Variants in H2AZ2 observed in about 807,000 individuals in gnomAD.
The protein encoded by H2AZ2 is histone H2A.V.
In H2AZ2, 5 loss-of-function variants were observed where a neutral mutation model predicts 15.5. That is an observed-to-expected ratio of 0.32 (90% CI 0.17 to 0.68). The LOEUF (loss-of-function observed/expected upper bound fraction) is 0.68. H2AZ2 is among the 30% of genes least tolerant of loss of function. H2AZ2 has a pLI of 0.72. For synonymous variants in H2AZ2, 44 were observed against 57.4 expected, an observed-to-expected ratio of 0.77 and a Z score of 1.05; for missense variants, 42 against 162.5, an observed-to-expected ratio of 0.26 and a Z score of 4.03.
In H2AZ2 at chr7:44,834,789, T is replaced by G. The variant is rs1352238822; in HGVS notation, c.326-227A>C. The G allele has an allele frequency of 8.8e-6, 3 of 339,718 alleles. No individual in the cohort carries two copies. The East Asian group carries it at 1.4e-4, about 16-fold the overall frequency. The allele number at this position is 339,718 out of a possible 1,614,324, so 21.0% of individuals were successfully genotyped here. A position where few individuals can be genotyped will look rare whatever the true frequency, so the allele number is the denominator to read the frequency against. On this transcript the variant is annotated intron_variant, in intron 4 of 4. Coordinates refer to ENST00000308153, the MANE Select transcript of H2AZ2 (RefSeq NM_012412.5). Reference sequence around the variant, plus strand: ...TTTGAGAAGAGTAACCATAGCTTTTTTTTTTTTTTTTTTTTGAGATGGCCT... The same window carrying G: ...TTTGAGAAGAGTAACCATAGCTTTTGTTTTTTTTTTTTTTTGAGATGGCCT...
chr7:44,829,961 A>G, downstream of H2AZ2: 1 of 529,568 alleles, frequency 1.9e-6, no homozygotes, highest in Non-Finnish European at 3.4e-6. Context: ...CTTTAAATCA[A>G]AGCTGCTCTG....
At position 44,843,363 on chromosome 7, in the gene H2AZ2, A is replaced by C. The variant is rs1185077078; in HGVS notation, c.4-9T>G. ...CCAGCTTTGCCTCCAGCCTAAATGC[A>C]AAAAAAAATTTTTTTGAATGAAAAG... On this transcript the variant is annotated splice_polypyrimidine_tract_variant and intron_variant, in intron 1 of 4. Transcript: ENST00000308153. 1 of 1,537,110 alleles carries C rather than the reference A, an allele frequency of 6.5e-7. No homozygotes were observed. Among genetic ancestry groups the C allele is most frequent in the Non-Finnish European group, 8.9e-7 (1 of 1,128,552 alleles).
At chr7:44,841,934 A>AATCCT (rs1793284789) in intron 2 of H2AZ2, among the ~76,000 whole-genome samples, 2 of 152,192 alleles carry the variant, frequency 1.3e-5, no homozygotes, top group Non-Finnish European at 2.9e-5. Flanking sequence ...TCTCTTTCCA[A>AATCCT]AGACTGAATT....
At chr7:44,829,940 C>A, downstream of H2AZ2, 1 of 487,508 alleles carries the variant, frequency 2.1e-6, no homozygotes, top group Non-Finnish European at 3.7e-6. Flanking sequence ...AGGAAAAGCG[C>A]TCTGAAATTA....
chr7:44,838,243 G>C (rs1195604087), intron 3 of H2AZ2, among the ~76,000 whole-genome samples: 1 of 151,888 alleles, frequency 6.6e-6, no homozygotes, highest in Admixed American at 6.6e-5. Flanking sequence ...AAAGTGCTGG[G>C]ATTACAGGCG....
chr7:44,837,633 G>A (rs1435389749), intron 3 of H2AZ2, among the ~76,000 whole-genome samples: 1 of 151,266 alleles, frequency 6.6e-6, no homozygotes, highest in Non-Finnish European at 1.5e-5. Flanking sequence ...TGGGACTACA[G>A]GTGCACACTA....
chr7:44,840,391 G>C (rs1035499089), intron 3 of H2AZ2, among the ~76,000 whole-genome samples: 1 of 152,106 alleles, frequency 6.6e-6, no homozygotes, highest in African/African-American at 2.4e-5. Flanking sequence ...CCAGCCCCTT[G>C]CTTAGCTTTA....
rs957303473 is a variant in H2AZ2 at position 44,839,681 on chromosome 7, C to CA, written c.195+1217dup. Among the ~76,000 whole-genome samples, 174 of 146,268 alleles carry CA rather than the reference C, an allele frequency of 1.2e-3. 1 individual carries two copies. The highest frequency in any genetic ancestry group is 3.9e-3 in the African/African-American group (153 of 39,710). On this transcript the variant is annotated intron_variant, in intron 3 of 4. Coordinates refer to ENST00000308153, the MANE Select transcript of H2AZ2 (RefSeq NM_012412.5). ...TGGGTGACAGAGCGAGCCTCTGTCTCAAAAAAAAATAAATAAATAAAATAA... is the reference window on the plus strand; with the variant it reads ...TGGGTGACAGAGCGAGCCTCTGTCTCAAAAAAAAAATAAATAAATAAAATAA...
At chr7:44,829,140 A>G (rs1375852385), downstream of H2AZ2, 2 of 151,924 alleles carry the variant, frequency 1.3e-5, no homozygotes, top group African/African-American at 2.4e-5. Flanking sequence ...TCTGCCTATC[A>G]CCCCCTCCTG....
At chr7:44,843,686 G>A (rs772296665) in intron 1 of H2AZ2, among the ~76,000 whole-genome samples, 4 of 152,150 alleles carry the variant, frequency 2.6e-5, no homozygotes, top group Non-Finnish European at 4.4e-5. Flanking sequence ...AGCCTCCTGA[G>A]TAGCTGAGAT....
downstream of H2AZ2, chr7:44,829,890 T>TA: frequency 2.5e-6 from 1 of 397,496 alleles, no homozygotes; most frequent in Non-Finnish European, 4.6e-6. Flanking sequence ...AGGTCAAACA[T>TA]AAATAGAATA....
At position 44,833,293 on chromosome 7, in the gene H2AZ2, C is replaced by T. The variant is rs1405794365; in HGVS notation, c.*1208G>A. On this transcript the variant is annotated 3_prime_UTR_variant, in exon 5 of 5. Transcript: ENST00000308153. ...CAGTCGCCAAGCTGGAGTGCAGTGG[C>T]GCCATCTTGGCTCACTGCAAGCTCC... Among the ~76,000 whole-genome samples the T allele has an allele frequency of 9.9e-5, 15 of 152,124 alleles. No homozygotes were observed. Among genetic ancestry groups the T allele is most frequent in the South Asian group, 2.1e-4 (1 of 4,822 alleles).
In H2AZ2 at chr7:44,834,506, C is replaced by T. The variant is rs777775525; in HGVS notation, c.382G>A (p.Ala128Thr). 1 of 1,610,228 alleles carries T rather than the reference C, an allele frequency of 6.2e-7. No individual in the cohort carries two copies. The highest frequency in any genetic ancestry group is 1.1e-5 in the South Asian group (1 of 90,726). Residue 128 changes from alanine (A) to threonine (T), a missense_variant, in exon 5 of 5, where the codon GCT becomes ACT. Ala to Thr is a moderately conservative substitution (Grantham distance 58). Transcript: ENST00000308153. ...LIGKKGQQKT[A>T] ...GGGTTGGTTAAAGCATCCCTCTAAG[C>T]AGTTTTCTGCTGTCCCTTCTTTCCA...
downstream of H2AZ2, chr7:44,829,881 G>T: frequency 2.8e-6 from 1 of 358,942 alleles, no homozygotes; most frequent in Non-Finnish European, 5.1e-6. Flanking sequence ...TTATCCAAAA[G>T]GTCAAACATA....
In H2AZ2 at chr7:44,848,086, G is replaced by C; in HGVS notation, c.-115C>G. The C allele has an allele frequency of 7.3e-6, 4 of 551,584 alleles. No individual in the cohort carries two copies. The highest frequency in any genetic ancestry group is 2.0e-5 in the African/African-American group (1 of 50,354). 34.2% of individuals were successfully genotyped at this position (551,584 alleles called of 1,614,324 possible). ...CGCCGCCGGAGCCGGACAATACCCC[G>C]TGCCCGCCTCGCGCTGCTGTGGCCA... On this transcript the variant is annotated 5_prime_UTR_variant, in exon 1 of 5. Transcript: ENST00000308153.
At chr7:44,838,645 C>A (rs1452876662) in intron 3 of H2AZ2, among the ~76,000 whole-genome samples, 2 of 152,048 alleles carry the variant, frequency 1.3e-5, no homozygotes, top group Non-Finnish European at 2.9e-5. Context: ...AGAGAGAGAT[C>A]CTGTCTCAAA....
rs1793027527 is a variant in H2AZ2 at position 44,832,985 on chromosome 7, T to C, written c.*1516A>G. Among the ~76,000 whole-genome samples the C allele has an allele frequency of 6.6e-6, 1 of 151,498 alleles. No homozygotes were observed. Among genetic ancestry groups the C allele is most frequent in the African/African-American group, 2.4e-5 (1 of 40,944 alleles). ...AAAAAGTTTCTTAGAAACTGATAAATAAATATAATTTTTAAAAGATTGTAC... is the reference window on the plus strand; with the variant it reads ...AAAAAGTTTCTTAGAAACTGATAAACAAATATAATTTTTAAAAGATTGTAC... On this transcript the variant is annotated 3_prime_UTR_variant, in exon 5 of 5. Coordinates refer to ENST00000308153, the MANE Select transcript of H2AZ2 (RefSeq NM_012412.5).
intron 1 of H2AZ2, among the ~76,000 whole-genome samples, chr7:44,844,521 T>C (rs1254723826): frequency 6.6e-6 from 1 of 152,136 alleles, no homozygotes; most frequent in Non-Finnish European, 1.5e-5. Flanking sequence ...GCCCTGCTAA[T>C]TTTTGTATTT....
chr7:44,843,170 A>AAAAAAAAAAAAAAAAC (rs1793316957), intron 2 of H2AZ2, 107 bp downstream of exon 2: 1 of 271,980 alleles, frequency 3.7e-6, no homozygotes, highest in East Asian at 5.6e-5. Context: ...AAAAAAAAAA[A>AAAAAAAAAAAAAAAAC]AAAAAGTCTG....
Sources: gnomAD v4.1 joint callset for allele counts (sites outside exome capture counted in the v4.1 genomes callset) on GRCh38, gnomAD v4.1.1 for gene constraint, MANE v1.5 for transcripts, NCBI Gene and HGNC (gene_info 2026-07-23, HGNC 2026-07-21) for gene names.